The following PABPC4L variants were observed in gnomAD, a reference collection of about 807,000 sequenced individuals.
PABPC4L encodes the protein poly(A) binding protein cytoplasmic 4 like.
For synonymous variants in PABPC4L, 169 were observed against 164.1 expected, an observed-to-expected ratio of 1.03 and a Z score of -0.23; for missense variants, 452 against 451.4, an observed-to-expected ratio of 1.00 and a Z score of -0.01.
At chr4:134,030,604 A>G in the PABPC4L span, among the ~76,000 whole-genome samples, 1 of 150,608 alleles carries the variant, frequency 6.6e-6, no homozygotes, top group African/African-American at 2.5e-5. Flanking sequence ...TTCTTTAAAC[A>G]ATACATCACT....
chr4:133,984,670 C>T, the PABPC4L span, among the ~76,000 whole-genome samples: 1 of 151,840 alleles, frequency 6.6e-6, no homozygotes, highest in East Asian at 1.9e-4. Context: ...AATTTCTTTT[C>T]ATTTCTCTGG....
At position 134,200,283 on chromosome 4, in the gene PABPC4L, G is replaced by A. The variant is rs1729811216; in HGVS notation, c.737C>T (p.Ala246Val). The A allele has an allele frequency of 1.9e-6, 3 of 1,569,562 alleles. No individual in the cohort carries two copies. Among genetic ancestry groups the A allele is most frequent in the Non-Finnish European group, 2.6e-6 (3 of 1,156,180 alleles). Residue 246 changes from alanine (A) to valine (V), a missense_variant, in exon 2 of 2, where the codon GCT (alanine) becomes GTT (valine). Physicochemically the swap from Ala to Val is moderately conservative, Grantham distance 64. Transcript: ENST00000421491. ...SFDSHEAAKK[A>V]VEEMNGRDIN... ...GTCCCTTCCATTCATTTCTTCAACA[G>A]CTTTCTTGGCAGCCTCATGGCTATC... is the stretch of plus-strand genomic sequence containing the variant.
At chr4:134,062,646 G>T in the PABPC4L span, among the ~76,000 whole-genome samples, 1 of 151,954 alleles carries the variant, frequency 6.6e-6, no homozygotes, top group Non-Finnish European at 1.5e-5. Context: ...TAAAACTTAG[G>T]CTTACAAATG....
the PABPC4L span, among the ~76,000 whole-genome samples, chr4:133,975,937 A>G: frequency 6.6e-6 from 1 of 152,228 alleles, no homozygotes. Context: ...TCTCTCTCTC[A>G]CACAAACACA....
the PABPC4L span, among the ~76,000 whole-genome samples, chr4:134,143,250 A>G: frequency 6.6e-6 from 1 of 150,432 alleles, no homozygotes. Context: ...TATATATCTT[A>G]ATAATATCTT....
chr4:134,065,256 TATTA>T, the PABPC4L span, among the ~76,000 whole-genome samples: 5 of 152,214 alleles, frequency 3.3e-5, no homozygotes, highest in South Asian at 1.0e-3. Context: ...CCCCAACATC[TATTA>T]ATTTGTGAAT....
chr4:134,042,802 T>G, the PABPC4L span, among the ~76,000 whole-genome samples: 1 of 152,174 alleles, frequency 6.6e-6, no homozygotes, highest in African/African-American at 2.4e-5. Flanking sequence ...ATATTCATTG[T>G]GAAGTAAACC....
the PABPC4L span, among the ~76,000 whole-genome samples, chr4:134,082,261 T>C: frequency 6.6e-6 from 1 of 152,182 alleles, no homozygotes; most frequent in East Asian, 1.9e-4. Context: ...TAGCTTTGTT[T>C]TTATTTCTGT....
At chr4:134,080,616 T>C in the PABPC4L span, among the ~76,000 whole-genome samples, 2 of 151,902 alleles carry the variant, frequency 1.3e-5, no homozygotes, top group Non-Finnish European at 2.9e-5. Flanking sequence ...TAAGAAGGAG[T>C]CACCTAATCT....
Position 134,198,456 on chromosome 4 carries a change from C to T in PABPC4L, c.*1451G>A, listed in dbSNP as rs1385921643. On this transcript the variant is annotated 3_prime_UTR_variant, in exon 2 of 2. Coordinates refer to ENST00000421491, the MANE Select transcript of PABPC4L (RefSeq NM_001114734.2). ...GCAACAAATTTTTCTCATTCATAAG[C>T]TGAGGTATTGCCAAAAAATATTTTA... is the stretch of plus-strand genomic sequence containing the variant. 4 of 151,206 alleles carry T rather than the reference C, an allele frequency of 2.6e-5. No individual in the cohort carries two copies. Among genetic ancestry groups the T allele is most frequent in the African/African-American group, 9.7e-5 (4 of 41,308 alleles). 9.4% of individuals were successfully genotyped at this position (151,206 alleles called of 1,614,324 possible). A position where few individuals can be genotyped will look rare whatever the true frequency, so the allele number is the denominator to read the frequency against.
At chr4:134,014,100 G>A in the PABPC4L span, among the ~76,000 whole-genome samples, 1 of 152,012 alleles carries the variant, frequency 6.6e-6, no homozygotes, top group South Asian at 2.1e-4. Context: ...GGCTCATTTG[G>A]CAGCAACCCT....
chr4:134,125,450 G>C, the PABPC4L span, among the ~76,000 whole-genome samples: 3 of 152,040 alleles, frequency 2.0e-5, no homozygotes, highest in African/African-American at 7.2e-5. Context: ...TAAAAGGGCA[G>C]TCTGAATTCT....
At chr4:134,153,811 T>C in the PABPC4L span, among the ~76,000 whole-genome samples, 1 of 32,570 alleles carries the variant, frequency 3.1e-5, no homozygotes, top group African/African-American at 1.9e-4. Flanking sequence ...CTATGCCTAG[T>C]TTTTTTTTTT....
chr4:134,070,712 T>C, the PABPC4L span, among the ~76,000 whole-genome samples: 10 of 152,044 alleles, frequency 6.6e-5, no homozygotes, highest in Admixed American at 3.9e-4. Context: ...GGAGGTCACT[T>C]AGAGCTCTCC....
At chr4:134,033,214 G>A in the PABPC4L span, among the ~76,000 whole-genome samples, 3 of 151,660 alleles carry the variant, frequency 2.0e-5, no homozygotes, top group East Asian at 5.8e-4. Context: ...AATTGTAACT[G>A]TTCTGGAGGA....
At chr4:134,117,158 T>G in the PABPC4L span, among the ~76,000 whole-genome samples, 2 of 151,822 alleles carry the variant, frequency 1.3e-5, no homozygotes, top group Admixed American at 6.6e-5. Context: ...TTCCATATTT[T>G]CATCTTAAAA....
the PABPC4L span, among the ~76,000 whole-genome samples, chr4:133,965,938 G>A: frequency 2.0e-4 from 30 of 152,120 alleles, no homozygotes; most frequent in Middle Eastern, 3.4e-3. Context: ...GAACCCAAAA[G>A]CAAATGCAAT....
chr4:134,044,314 A>G, the PABPC4L span, among the ~76,000 whole-genome samples: 1 of 152,074 alleles, frequency 6.6e-6, no homozygotes, highest in African/African-American at 2.4e-5. Flanking sequence ...CCCAGGCTGG[A>G]GTGCAGTGGC....
chr4:134,122,763 G>A, the PABPC4L span, among the ~76,000 whole-genome samples: 1 of 151,538 alleles, frequency 6.6e-6, no homozygotes, highest in African/African-American at 2.4e-5. Context: ...CTACATATTT[G>A]CTTACAATTT....
Sources: allele counts gnomAD v4.1 joint callset (sites outside exome capture counted in the v4.1 genomes callset), GRCh38; gene constraint gnomAD v4.1.1; transcripts MANE v1.5; gene names NCBI Gene and HGNC (gene_info 2026-07-23, HGNC 2026-07-21).